The following ADGRL3 variants were observed in gnomAD, a reference collection of about 807,000 sequenced individuals.
ADGRL3 encodes adhesion G protein-coupled receptor L3, also known as calcium-independent alpha-latrotoxin receptor 3.
ADGRL3 carries 62 observed loss-of-function variants against 153.5 expected under a neutral mutation model. That is an observed-to-expected ratio of 0.40 (90% CI 0.33 to 0.50). The LOEUF is 0.50. Among genes scored for constraint, ADGRL3 ranks in the 20% least tolerant of loss-of-function variants. The probability of loss-of-function intolerance (pLI) is 0.47; values close to 1 mark genes in which losing one functional copy is unlikely to be tolerated. For missense variants in ADGRL3, 1,641 were observed against 1,859.4 expected, an observed-to-expected ratio of 0.88 and a Z score of 2.16; for synonymous variants, 710 against 672.5, an observed-to-expected ratio of 1.06 and a Z score of -0.86.
intron 21 of ADGRL3, among the ~76,000 whole-genome samples, chr4:62,007,425 CATATATATATATAT>C (rs373551662): frequency 1.2e-4 from 12 of 99,362 alleles, no homozygotes; most frequent in Admixed American, 3.3e-4. Flanking sequence ...TATATATACA[CATATATATATATAT>C]ACACACACAT....
At position 61,593,843 on chromosome 4, in the gene ADGRL3, A is replaced by G. The variant is rs117277883; in HGVS notation, c.473+6403A>G. ...AACCTTCTTGTATTTGAATGTTGGT[A>G]TCTTTGTCTAGGTTTGGAAAGTTCT... On this transcript the variant is annotated intron_variant, in intron 5 of 26. Coordinates refer to ENST00000683033, the MANE Select transcript of ADGRL3 (RefSeq NM_001387552.1). 7.8e-4 allele frequency among the ~76,000 whole-genome samples: 119 copies of G among 152,116 alleles called. 3 individuals are homozygous for G. In the East Asian group the frequency reaches 0.021, roughly 26 times the overall value.
chr4:61,541,840 T>TAC lies in ADGRL3; in HGVS notation c.259+24323_259+24324insCA, dbSNP rs1491121986. On this transcript the variant is annotated intron_variant, in intron 4 of 26. Transcript: ENST00000683033. ...AGCCTTAGATATATATGTGTGTGTG[T>TAC]ATACACACACACACACACACACACA... 5.1e-4 allele frequency among the ~76,000 whole-genome samples: 42 copies of TAC among 81,614 alleles called. 1 individual carries two copies. Among genetic ancestry groups the TAC allele is most frequent in the Middle Eastern group, 7.5e-3 (1 of 134 alleles). The allele number at this position is 81,614 out of a possible 152,430, so 53.5% of individuals were successfully genotyped here. A position where few individuals can be genotyped will look rare whatever the true frequency, so the allele number is the denominator to read the frequency against.
chr4:61,263,694 A>G (rs931369874), intron 1 of ADGRL3, among the ~76,000 whole-genome samples: 1 of 152,024 alleles, frequency 6.6e-6, no homozygotes, highest in Admixed American at 6.6e-5. Flanking sequence ...AGTCATTTCA[A>G]GTTCTGTCCA....
At chr4:61,891,995 G>T (rs956901098) in intron 9 of ADGRL3, among the ~76,000 whole-genome samples, 3 of 152,040 alleles carry the variant, frequency 2.0e-5, no homozygotes, top group Non-Finnish European at 1.5e-5. Context: ...GATAATTTAG[G>T]GTTGTAACTA....
intron 2 of ADGRL3, among the ~76,000 whole-genome samples, chr4:61,438,367 T>C (rs7697253): frequency 0.17 from 25,411 of 150,956 alleles, 2,271 homozygotes; most frequent in Middle Eastern, 0.26. Context: ...TATTTTTTAT[T>C]TAATATTATT....
chr4:61,743,378 A>C (rs2096608728), intron 8 of ADGRL3, among the ~76,000 whole-genome samples: 1 of 151,786 alleles, frequency 6.6e-6, no homozygotes. Flanking sequence ...CAAAAAACAT[A>C]CAGGAGTAAG....
At chr4:61,507,698 A>G (rs111322495) in intron 3 of ADGRL3, among the ~76,000 whole-genome samples, 143 of 152,238 alleles carry the variant, frequency 9.4e-4, no homozygotes, top group Admixed American at 4.2e-3. Context: ...GGTGGCAAAA[A>G]TATCTTACTA....
intron 19 of ADGRL3, among the ~76,000 whole-genome samples, chr4:61,989,692 A>G (rs1036349459): frequency 1.3e-5 from 2 of 152,040 alleles, no homozygotes; most frequent in Non-Finnish European, 2.9e-5. Context: ...CCAGGACTAT[A>G]TCAGAGATCA....
intron 21 of ADGRL3, among the ~76,000 whole-genome samples, chr4:62,017,253 C>A (rs2099216445): frequency 6.6e-6 from 1 of 151,740 alleles, no homozygotes; most frequent in South Asian, 2.1e-4. Flanking sequence ...TTACTTGGGT[C>A]CTGAAGTTTA....
At chr4:61,808,685 G>A (rs1209056596) in intron 8 of ADGRL3, among the ~76,000 whole-genome samples, 1 of 151,836 alleles carries the variant, frequency 6.6e-6, no homozygotes, top group Non-Finnish European at 1.5e-5. Flanking sequence ...TGCTAGGCAT[G>A]TCCAATTTTC....
At chr4:61,577,907 G>T in intron 4 of ADGRL3, among the ~76,000 whole-genome samples, 2 of 151,946 alleles carry the variant, frequency 1.3e-5, no homozygotes, top group South Asian at 4.1e-4. Context: ...TAGTACAGTA[G>T]ATTTTTATAC....
chr4:61,335,924 T>C (rs1221949596), intron 1 of ADGRL3, among the ~76,000 whole-genome samples: 2 of 152,206 alleles, frequency 1.3e-5, no homozygotes, highest in Non-Finnish European at 2.9e-5. Flanking sequence ...CAATTAAGTA[T>C]TGTTTACACC....
In ADGRL3 at chr4:61,382,576, GTTTA is replaced by G. The variant is rs2096683454; in HGVS notation, c.-239-544_-239-541del. Reference sequence around the variant, plus strand: ...TTCATTTAAATAAACTTACATTTCTGTTTATTTCTTTCTATTTTTTAAATCCAAA... The same window carrying G: ...TTCATTTAAATAAACTTACATTTCTGTTTCTTTCTATTTTTTAAATCCAAA... On this transcript the variant is annotated intron_variant, in intron 1 of 26. Transcript: ENST00000683033. Among the ~76,000 whole-genome samples, 4 of 151,496 alleles carry G rather than the reference GTTTA, an allele frequency of 2.6e-5. No homozygotes were observed. The South Asian group carries it at 8.3e-4, about 31-fold the overall frequency.
chr4:61,933,276 T>C lies in ADGRL3; in HGVS notation c.2113-1564T>C, dbSNP rs553324724. 4.3e-3 allele frequency among the ~76,000 whole-genome samples: 651 copies of C among 152,224 alleles called. 8 individuals carry two copies. The highest frequency in any genetic ancestry group is 0.015 in the African/African-American group (625 of 41,548). ...TCAGAAAATATCTAAAGTTTTTTTA[T>C]TTTTATTTTTATTTTTTTGGTTTCC... On this transcript the variant is annotated intron_variant, in intron 13 of 26. Transcript: ENST00000683033.
chr4:61,307,707 A>G (rs1198480180), intron 1 of ADGRL3, among the ~76,000 whole-genome samples: 1 of 152,230 alleles, frequency 6.6e-6, no homozygotes, highest in African/African-American at 2.4e-5. Flanking sequence ...TGTTTTGCAT[A>G]TAAATGTAAT....
At chr4:62,028,926 G>A (rs759078342) in intron 22 of ADGRL3, 45 bp downstream of exon 22, 4 of 1,560,088 alleles carry the variant, frequency 2.6e-6, no homozygotes, top group South Asian at 2.3e-5. Context: ...TATCAGTGTG[G>A]TCCCATGAAC....
At chr4:61,930,141 A>C (rs2098811640) in intron 13 of ADGRL3, among the ~76,000 whole-genome samples, 2 of 149,404 alleles carry the variant, frequency 1.3e-5, no homozygotes, top group African/African-American at 5.0e-5. Context: ...GTGCCACTGC[A>C]CTCCAGGCTG....
At chr4:62,007,383 T>TATACATACACAC (rs71213024) in intron 21 of ADGRL3, among the ~76,000 whole-genome samples, 1 of 30,782 alleles carries the variant, frequency 3.2e-5, no homozygotes, top group Non-Finnish European at 6.5e-5. Flanking sequence ...TATATATATA[T>TATACATACACAC]ACACACACAC....
At chr4:61,838,599 A>G (rs2066885983) in intron 9 of ADGRL3, among the ~76,000 whole-genome samples, 1 of 152,206 alleles carries the variant, frequency 6.6e-6, no homozygotes, top group African/African-American at 2.4e-5. Context: ...TGTCTAATAC[A>G]GAAACACAAA....
Sources: gnomAD v4.1 joint callset for allele counts (sites outside exome capture counted in the v4.1 genomes callset) on GRCh38, gnomAD v4.1.1 for gene constraint, MANE v1.5 for transcripts, NCBI Gene and HGNC (gene_info 2026-07-23, HGNC 2026-07-21) for gene names.